Variants in PIK3CB observed in about 807,000 individuals in gnomAD.
PIK3CB encodes phosphatidylinositol 4,5-bisphosphate 3-kinase catalytic subunit beta isoform.
PIK3CB carries 39 observed loss-of-function variants against 136.8 expected under a neutral mutation model. The ratio of observed to expected loss-of-function variants is 0.29; its 90% CI spans 0.22 to 0.37. PIK3CB has a LOEUF of 0.37. Among genes scored for constraint, PIK3CB ranks in the 10% least tolerant of loss-of-function variants. The pLI, the probability that PIK3CB is intolerant of heterozygous loss-of-function variation, is 1.00. For synonymous variants in PIK3CB, 428 were observed against 436.6 expected (o/e 0.98, Z 0.25); for missense variants, 868 against 1,275.4 (o/e 0.68, Z 4.87).
intron 1 of PIK3CB, among the ~76,000 whole-genome samples, chr3:138,815,162 A>AAAAAAAATAT (rs1553743711): frequency 2.6e-4 from 16 of 62,478 alleles, no homozygotes; most frequent in African/African-American, 5.9e-4. Flanking sequence ...AAAAAAAAAA[A>AAAAAAAATAT]ATATATATAT....
chr3:138,660,086 T>C (rs187485460), intron 21 of PIK3CB, among the ~76,000 whole-genome samples: 21 of 151,952 alleles, frequency 1.4e-4, no homozygotes, highest in African/African-American at 4.6e-4. Context: ...TTTGGAGATA[T>C]TAAGGCATGG....
chr3:138,738,127 T>C (rs1355941121), intron 5 of PIK3CB, among the ~76,000 whole-genome samples: 1 of 152,150 alleles, frequency 6.6e-6, no homozygotes, highest in Admixed American at 6.5e-5. Flanking sequence ...ACAGGTAAGA[T>C]TAATATTTAA....
At chr3:138,772,866 A>C (rs1196956698) in intron 2 of PIK3CB, among the ~76,000 whole-genome samples, 2 of 148,890 alleles carry the variant, frequency 1.3e-5, no homozygotes, top group Non-Finnish European at 3.0e-5. Context: ...GCTCACTGCA[A>C]CCTCAGCCTC....
chr3:138,828,916 T>C (rs1933908291), intron 1 of PIK3CB, among the ~76,000 whole-genome samples: 1 of 151,670 alleles, frequency 6.6e-6, no homozygotes, highest in South Asian at 2.1e-4. Context: ...GCCTCCAGAA[T>C]AGCTGGGATT....
intron 5 of PIK3CB, among the ~76,000 whole-genome samples, chr3:138,739,609 CT>C (rs1196761339): frequency 6.6e-6 from 1 of 150,832 alleles, no homozygotes; most frequent in Non-Finnish European, 1.5e-5. Flanking sequence ...TTTCAGAATT[CT>C]GAGAAACAGG....
At chr3:138,825,203 C>T (rs1311463900) in intron 1 of PIK3CB, 1 of 316,050 alleles carries the variant, frequency 3.2e-6, no homozygotes, top group Non-Finnish European at 6.0e-6. Flanking sequence ...GCAAGTATTA[C>T]GTGACCATCA....
At chr3:138,686,938 C>T (rs60186308) in intron 16 of PIK3CB, among the ~76,000 whole-genome samples, 6,692 of 152,224 alleles carry the variant, frequency 0.044, 488 homozygotes, top group African/African-American at 0.15. Flanking sequence ...GTTTCAGGAG[C>T]TGTACAAACA....
Position 138,699,066 on chromosome 3 carries a change from T to C in PIK3CB, c.1611A>G (p.Val537=), listed in dbSNP as rs200720720. 342 of 1,579,114 alleles carry C rather than the reference T, an allele frequency of 2.2e-4. 4 individuals carry two copies. The highest frequency in any genetic ancestry group is 8.6e-6 in the Non-Finnish European group (10 of 1,156,990). ...SSRGGKKFLP[V]LKEILDRDPL... The stretch of plus-strand genomic sequence containing the variant: ...GATCCCTGTCCAAGATTTCTTTCAA[T>C]ACAGGAAGAAACTTTTTTCCACCTC... The change falls in exon 13 of 24, where the codon GTA becomes GTG. Residue 537 remains valine, a synonymous_variant. Coordinates refer to ENST00000674063, the MANE Select transcript of PIK3CB (RefSeq NM_006219.3).
intron 2 of PIK3CB, among the ~76,000 whole-genome samples, chr3:138,769,683 C>T (rs1365446447): frequency 6.6e-6 from 1 of 152,118 alleles, no homozygotes; most frequent in African/African-American, 2.4e-5. Context: ...AGGTAACAAA[C>T]CAATTGGTTA....
At chr3:138,710,846 A>G (rs886552006) in intron 10 of PIK3CB, among the ~76,000 whole-genome samples, 2 of 151,886 alleles carry the variant, frequency 1.3e-5, no homozygotes, top group Non-Finnish European at 2.9e-5. Flanking sequence ...GCACTCTGGG[A>G]GGCTGAGGTG....
intron 2 of PIK3CB, among the ~76,000 whole-genome samples, chr3:138,769,817 G>T (rs1313553376): frequency 6.6e-6 from 1 of 152,154 alleles, no homozygotes; most frequent in Admixed American, 6.6e-5. Context: ...AAACAGTTCA[G>T]CCTGAGAGAA....
At chr3:138,820,068 A>C (rs1175969323) in intron 1 of PIK3CB, among the ~76,000 whole-genome samples, 1 of 152,234 alleles carries the variant, frequency 6.6e-6, no homozygotes, top group East Asian at 1.9e-4. Flanking sequence ...ATAGGTTTTC[A>C]CCTATGTGAA....
At chr3:138,659,204 A>G (rs2043243116) in intron 21 of PIK3CB, among the ~76,000 whole-genome samples, 2 of 152,144 alleles carry the variant, frequency 1.3e-5, no homozygotes, top group Admixed American at 1.3e-4. Context: ...ATATTAACAA[A>G]TGTCCCCTGA....
At chr3:138,706,871 G>C (rs994082985) in intron 11 of PIK3CB, among the ~76,000 whole-genome samples, 1 of 152,188 alleles carries the variant, frequency 6.6e-6, no homozygotes, top group Non-Finnish European at 1.5e-5. Flanking sequence ...TGTCAGGCTG[G>C]TCTCGAACTC....
Position 138,653,538 on chromosome 3 carries a change from G to A in PIK3CB, c.*1851C>T, listed in dbSNP as rs970453469. On this transcript the variant is annotated 3_prime_UTR_variant, in exon 24 of 24. Transcript: ENST00000674063. ...ACCATTCTCCAAACCACTGACCTGC[G>A]GCCTGGTTCATGAAATGGTGGGTGG... 3.3e-5 allele frequency: 6 copies of A among 182,598 alleles called. No individual in the cohort carries two copies. The highest frequency in any genetic ancestry group is 1.2e-5 in the Non-Finnish European group (1 of 85,836). 11.3% of individuals were successfully genotyped at this position (182,598 alleles called of 1,614,324 possible).
intron 19 of PIK3CB, among the ~76,000 whole-genome samples, chr3:138,681,092 C>T (rs574942): frequency 1.4e-5 from 2 of 146,444 alleles, no homozygotes; most frequent in African/African-American, 5.1e-5. Context: ...TGTCATCCAG[C>T]CTGGAGTGTA....
At chr3:138,803,025 T>C (rs968027231) in intron 1 of PIK3CB, among the ~76,000 whole-genome samples, 1 of 151,942 alleles carries the variant, frequency 6.6e-6, no homozygotes, top group Non-Finnish European at 1.5e-5. Flanking sequence ...ATGCAAGAAG[T>C]AGAATAAAAG....
chr3:138,754,442 C>CA (rs1401029941), intron 4 of PIK3CB, among the ~76,000 whole-genome samples: 4 of 151,274 alleles, frequency 2.6e-5, no homozygotes, highest in African/African-American at 9.7e-5. Flanking sequence ...ACCTTGTCAC[C>CA]AAAAAAACAA....
At chr3:138,785,697 G>A (rs1447121605) in intron 2 of PIK3CB, among the ~76,000 whole-genome samples, 1 of 151,860 alleles carries the variant, frequency 6.6e-6, no homozygotes, top group African/African-American at 2.4e-5. Context: ...AGCAGGCAGG[G>A]CCCTCTGCCT....
Sources: gnomAD v4.1 joint callset for allele counts (sites outside exome capture counted in the v4.1 genomes callset) on GRCh38, gnomAD v4.1.1 for gene constraint, MANE v1.5 for transcripts, NCBI Gene and HGNC (gene_info 2026-07-23, HGNC 2026-07-21) for gene names.